KIF1B: variants seen among roughly 807,000 people sequenced by gnomAD.
KIF1B encodes kinesin-like protein KIF1B.
In KIF1B, 76 loss-of-function variants were observed where a neutral mutation model predicts 241.9. The ratio of observed to expected loss-of-function variants is 0.31; its 90% CI spans 0.26 to 0.38. The LOEUF is 0.38. Ranked by LOEUF, KIF1B falls within the 10% of genes least tolerant of loss-of-function variation. The probability of loss-of-function intolerance (pLI) is 1.00; values close to 1 mark genes in which losing one functional copy is unlikely to be tolerated. For missense variants in KIF1B, 1,622 were observed against 2,271.4 expected (o/e 0.71, Z 5.81); for synonymous variants, 750 against 796.7 (o/e 0.94, Z 0.99).
intron 2 of KIF1B, among the ~76,000 whole-genome samples, chr1:10,236,385 AATGGTACTCCTAC>A (rs1354621730): frequency 2.6e-5 from 4 of 152,198 alleles, no homozygotes; most frequent in Admixed American, 2.6e-4. Flanking sequence ...AGGACTAGAT[AATGGTACTCCTAC>A]CCTCAGCTGA....
intron 2 of KIF1B, among the ~76,000 whole-genome samples, chr1:10,236,634 C>A (rs78078067): frequency 0.017 from 2,623 of 152,200 alleles, 85 homozygotes; most frequent in African/African-American, 0.06. Flanking sequence ...ATATGAGAAC[C>A]ATTATATCTA....
chr1:10,347,244 C>T (rs918695534), intron 35 of KIF1B, among the ~76,000 whole-genome samples: 3 of 152,158 alleles, frequency 2.0e-5, no homozygotes, highest in Non-Finnish European at 4.4e-5. Flanking sequence ...TCATGGTCAT[C>T]ATTGGGAAAC....
At position 10,365,233 on chromosome 1, in the gene KIF1B, G is replaced by A. The variant is rs762452665; in HGVS notation, c.4500G>A (p.Glu1500=). 1 of 1,614,052 alleles carries A rather than the reference G, an allele frequency of 6.2e-7. No individual in the cohort carries two copies. The highest frequency in any genetic ancestry group is 8.5e-7 in the Non-Finnish European group (1 of 1,179,986). ...ACCAGTGGGAGCTGGAGAAGCTGGA[G>A]CTCCTACATGAGGTATCCAGGGGCA... ...LEHQWELEKL[E]LLHEVEKTRH... Residue 1500 remains glutamate (E), a synonymous_variant, in exon 42 of 49, where the codon GAG becomes GAA. Transcript: ENST00000676179. The surrounding 1 kb of genome is among the most constrained non-coding windows in gnomAD (Gnocchi z 4.0).
chr1:10,215,329 A>T (rs1435677246), intron 1 of KIF1B, among the ~76,000 whole-genome samples: 2 of 150,698 alleles, frequency 1.3e-5, no homozygotes, highest in African/African-American at 2.4e-5. Context: ...GGCCTGTGCC[A>T]CCACGCCCAG....
chr1:10,370,643 AAAT>A (rs200343928), intron 44 of KIF1B, among the ~76,000 whole-genome samples: 177 of 147,946 alleles, frequency 1.2e-3, no homozygotes, highest in Middle Eastern at 7.2e-3. Flanking sequence ...TCGAGAAAGA[AAAT>A]AATAATAATA....
rs1652202045 is a variant in KIF1B, at chr1:10,336,942, T to G, written c.3130-132T>G. ...TTCATATTTTATTCATTGCCTTTCC[T>G]CAGACAGCCCTCAGTCCATATAATT... On this transcript the variant is annotated intron_variant, in intron 29 of 48. Coordinates refer to ENST00000676179, the MANE Select transcript of KIF1B (RefSeq NM_001365951.3). The G allele has an allele frequency of 4.7e-6, 6 of 1,282,888 alleles. No homozygotes were observed. The South Asian group carries it at 7.2e-5, about 15-fold the overall frequency. 79.5% of individuals were successfully genotyped at this position (1,282,888 alleles called of 1,614,324 possible).
chr1:10,282,679 G>A, intron 15 of KIF1B, 146 bp downstream of exon 15: 1 of 748,560 alleles, frequency 1.3e-6, no homozygotes, highest in Non-Finnish European at 2.3e-6. Context: ...TTTGTGCTTT[G>A]TAAGTTAATT....
At chr1:10,367,795 C>G (rs1638617972) in intron 43 of KIF1B, among the ~76,000 whole-genome samples, 1 of 151,872 alleles carries the variant, frequency 6.6e-6, no homozygotes, top group African/African-American at 2.4e-5. Context: ...GTGGTATGAT[C>G]TCAGCTCACT....
In KIF1B at chr1:10,303,428, C is replaced by T; in HGVS notation, c.2115+6182C>T. Reference sequence around the variant, plus strand: ...GTCAAAGAGATTTGCTATGAGGTTGCTCTCAATGACTTCAGGCACAGTCGG... The same window carrying T: ...GTCAAAGAGATTTGCTATGAGGTTGTTCTCAATGACTTCAGGCACAGTCGG... On this transcript the variant is annotated intron_variant, in intron 22 of 48. Transcript: ENST00000676179. The surrounding 1 kb of genome is among the most constrained non-coding windows in gnomAD (Gnocchi z 5.2). 1 of 1,614,200 alleles carries T rather than the reference C, an allele frequency of 6.2e-7. No homozygotes were observed. The highest frequency in any genetic ancestry group is 8.5e-7 in the Non-Finnish European group (1 of 1,180,040).
chr1:10,321,551 A>G (rs763918867), intron 23 of KIF1B, among the ~76,000 whole-genome samples, 158 bp from the exon 24 acceptor site: 3 of 152,266 alleles, frequency 2.0e-5, no homozygotes, highest in Non-Finnish European at 4.4e-5. Flanking sequence ...CATAATATCA[A>G]CAGAATTTGG....
rs1415991152 is a variant in KIF1B, at chr1:10,295,754, A to G, written c.1765A>G (p.Asn589Asp). Residue 589 changes from asparagine to aspartate, a missense_variant, in exon 19 of 49, where the codon AAC (asparagine) becomes GAC (aspartate). Transcript: ENST00000676179. ...EHCIFRSERS[N>D]SGEVIVTLEP... Reference sequence around the variant, plus strand: ...TTGTATCTTCCGGAGTGAGAGAAGCAACAGCGGGGAAGGTGAGCATTCCTG... The same window carrying G: ...TTGTATCTTCCGGAGTGAGAGAAGCGACAGCGGGGAAGGTGAGCATTCCTG... 6.2e-7 allele frequency: 1 copy of G among 1,613,272 alleles called. No individual in the cohort carries two copies. Among genetic ancestry groups the G allele is most frequent in the African/African-American group, 1.3e-5 (1 of 74,912 alleles).
At chr1:10,268,896 A>C (rs919595778) in intron 7 of KIF1B, among the ~76,000 whole-genome samples, 1 of 152,146 alleles carries the variant, frequency 6.6e-6, no homozygotes, top group Admixed American at 6.6e-5. Context: ...TTCCCCATCC[A>C]TAACAGCCTG....
Position 10,375,319 on chromosome 1 carries a change from AAGAC to A in KIF1B, c.5356_5359del (p.Asp1786Ter). ...GTCCTTTTGCAGGCCCTCAATGACAAAGACATGAACGACTGGTTGTATGCCTTCA... is the reference window on the plus strand; with the variant it reads ...GTCCTTTTGCAGGCCCTCAATGACAAATGAACGACTGGTTGTATGCCTTCA... On this transcript the variant is annotated frameshift_variant, in exon 48 of 49. Transcript: ENST00000676179. LOFTEE classifies it high-confidence loss of function. 4 of 1,614,196 alleles carry A rather than the reference AAGAC, an allele frequency of 2.5e-6. No individual in the cohort carries two copies. The highest frequency in any genetic ancestry group is 3.4e-6 in the Non-Finnish European group (4 of 1,180,048).
chr1:10,327,768 AT>A (rs1651778983), intron 27 of KIF1B, among the ~76,000 whole-genome samples: 1 of 152,228 alleles, frequency 6.6e-6, no homozygotes, highest in African/African-American at 2.4e-5. Context: ...AAAGTATTAA[AT>A]TTAAATTTAA....
At chr1:10,355,980 A>G (rs1227447707) in intron 38 of KIF1B, among the ~76,000 whole-genome samples, 1 of 152,120 alleles carries the variant, frequency 6.6e-6, no homozygotes, top group Non-Finnish European at 1.5e-5. Flanking sequence ...CTGGTTTGGT[A>G]TTAAAGGAAG....
intron 38 of KIF1B, among the ~76,000 whole-genome samples, chr1:10,355,827 G>A (rs1435234475): frequency 6.6e-6 from 1 of 152,146 alleles, no homozygotes; most frequent in African/African-American, 2.4e-5. Context: ...GTTTTGTCCT[G>A]TGTGGTAATA....
At chr1:10,255,326 A>G (rs1647711977) in intron 2 of KIF1B, among the ~76,000 whole-genome samples, 1 of 151,810 alleles carries the variant, frequency 6.6e-6, no homozygotes. Flanking sequence ...GCAGTGGCTC[A>G]CGCCTGTAAT....
intron 18 of KIF1B, among the ~76,000 whole-genome samples, 164 bp from the exon 19 acceptor site, chr1:10,295,496 T>A (rs949759586): frequency 2.6e-5 from 4 of 152,118 alleles, no homozygotes; most frequent in East Asian, 1.9e-4. Context: ...TGTAGAGAGG[T>A]TGATCATATG....
chr1:10,291,503 G>T (rs929585394), intron 16 of KIF1B, among the ~76,000 whole-genome samples: 2 of 152,140 alleles, frequency 1.3e-5, no homozygotes, highest in African/African-American at 2.4e-5. Context: ...GAGGTCGGGA[G>T]ATCGAGACCA....
Sources: gnomAD v4.1 joint callset for allele counts (sites outside exome capture counted in the v4.1 genomes callset) on GRCh38, gnomAD v4.1.1 for gene constraint, Gnocchi (gnomAD v3.1) non-coding constraint, MANE v1.5 for transcripts, NCBI Gene and HGNC (gene_info 2026-07-23, HGNC 2026-07-21) for gene names.